Variants in HYDIN observed in about 807,000 individuals in gnomAD.
HYDIN encodes the protein HYDIN axonemal central pair apparatus protein.
Under a neutral mutation model 403.9 loss-of-function variants are expected in HYDIN, and 132 were observed. The observed-to-expected ratio is 0.33, with a 90% confidence interval of 0.28 to 0.38. HYDIN has a LOEUF of 0.38. Ranked by LOEUF, HYDIN falls within the 10% of genes least tolerant of loss-of-function variation. HYDIN has a pLI of 1.00. For missense variants in HYDIN, 2,827 were observed against 5,009.5 expected (o/e 0.56, Z 13.15); for synonymous variants, 1,202 against 1,891.7 (o/e 0.64, Z 9.46).
chr16:71,037,747 G>C (rs2081140978), intron 18 of HYDIN, among the ~76,000 whole-genome samples: 1 of 152,202 alleles, frequency 6.6e-6, no homozygotes, highest in Non-Finnish European at 1.5e-5. Context: ...AAAAAATTCT[G>C]CCAATGACCT....
At chr16:71,203,708 A>G (rs1366893990) in intron 1 of HYDIN, 1 of 455,776 alleles carries the variant, frequency 2.2e-6, no homozygotes, top group Non-Finnish European at 4.4e-6. Context: ...TCACATTTGA[A>G]TATGACCAGC....
intron 16 of HYDIN, among the ~76,000 whole-genome samples, chr16:71,063,747 A>T (rs1181011600): frequency 6.6e-6 from 1 of 152,144 alleles, no homozygotes; most frequent in Non-Finnish European, 1.5e-5. Context: ...ATCCTAGCTA[A>T]TTCTATTCTG....
At chr16:71,209,940 C>T (rs907919743) in intron 1 of HYDIN, among the ~76,000 whole-genome samples, 15 of 152,252 alleles carry the variant, frequency 9.9e-5, no homozygotes, top group Middle Eastern at 3.4e-3. Flanking sequence ...GAAGAAATAT[C>T]ATTAAAGGGG....
At chr16:70,928,359 G>A (rs1409954633) in intron 45 of HYDIN, among the ~76,000 whole-genome samples, 1 of 152,186 alleles carries the variant, frequency 6.6e-6, no homozygotes, top group Non-Finnish European at 1.5e-5. Flanking sequence ...GGGAGGCTGA[G>A]GTGGGAAGAT....
chr16:70,927,074 T>C (rs2077175418), intron 45 of HYDIN, among the ~76,000 whole-genome samples: 1 of 151,770 alleles, frequency 6.6e-6, no homozygotes, highest in African/African-American at 2.4e-5. Context: ...GGAGAAGAAA[T>C]CTGGAAGAGT....
At chr16:70,913,891 CT>C (rs1378090102) in intron 47 of HYDIN, among the ~76,000 whole-genome samples, 2 of 120,760 alleles carry the variant, frequency 1.7e-5, no homozygotes, top group African/African-American at 5.6e-5. Flanking sequence ...CCCTCTTTGT[CT>C]TTTTAAACTG....
At chr16:70,991,919 T>A (rs2079365782) in intron 24 of HYDIN, 151 bp downstream of exon 24, 32 of 1,349,132 alleles carry the variant, frequency 2.4e-5, no homozygotes, top group Non-Finnish European at 3.2e-5. Flanking sequence ...ATCCCAGATG[T>A]CTAGTCTGGG....
chr16:71,030,401 A>G lies in HYDIN; in HGVS notation c.2768+1278T>C, dbSNP rs1435797829. ...TGTATACATATATATGTGTGTGTGT[A>G]TATGTATATGTGTGTGTTGTTCTTC... On this transcript the variant is annotated intron_variant, in intron 19 of 85. Transcript: ENST00000393567. Among the ~76,000 whole-genome samples the G allele has an allele frequency of 2.7e-5, 4 of 150,692 alleles. No individual in the cohort carries two copies. The East Asian group carries it at 5.9e-4, about 22-fold the overall frequency.
chr16:71,028,464 A>G (rs1355200142), intron 19 of HYDIN, among the ~76,000 whole-genome samples: 1 of 152,086 alleles, frequency 6.6e-6, no homozygotes, highest in African/African-American at 2.4e-5. Flanking sequence ...TATTCCACAA[A>G]TATTTACTAA....
At chr16:70,830,106 A>G (rs551099125) in intron 80 of HYDIN, among the ~76,000 whole-genome samples, 1 of 152,188 alleles carries the variant, frequency 6.6e-6, no homozygotes, top group Non-Finnish European at 1.5e-5. Context: ...GGAGACAGAC[A>G]CACAAGTGGA....
chr16:71,215,743 T>A (rs1402317231), intron 1 of HYDIN, among the ~76,000 whole-genome samples: 2 of 150,068 alleles, frequency 1.3e-5, no homozygotes, highest in Non-Finnish European at 3.0e-5. Context: ...ACAAAACTAC[T>A]GTACCAGAAT....
At chr16:71,011,528 A>T (rs865871330) in intron 23 of HYDIN, among the ~76,000 whole-genome samples, 11 of 140,310 alleles carry the variant, frequency 7.8e-5, no homozygotes, top group Admixed American at 5.1e-4. Flanking sequence ...GAAACATAGA[A>T]AGACCCTGTC....
rs545906292 is a variant in HYDIN at position 70,998,662 on chromosome 16, A to G, written c.3645-6452T>C. Among the ~76,000 whole-genome samples the G allele has an allele frequency of 2.7e-3, 371 of 138,890 alleles. 1 individual carries two copies. The highest frequency in any genetic ancestry group is 9.8e-3 in the African/African-American group (321 of 32,796). 91.1% of individuals were successfully genotyped at this position (138,890 alleles called of 152,430 possible). On this transcript the variant is annotated intron_variant, in intron 23 of 85. Transcript: ENST00000393567. ...TTCCTTCCTTCCTCTGACTCTACAC[A>G]TCGCAAATCTGCTCCAGATTAGGCA...
intron 71 of HYDIN, among the ~76,000 whole-genome samples, chr16:70,858,094 GCTT>G (rs1406090309): frequency 6.6e-6 from 1 of 151,926 alleles, no homozygotes; most frequent in Non-Finnish European, 1.5e-5. Flanking sequence ...CCCATCCACA[GCTT>G]CTGCTGGCTA....
At chr16:70,993,347 T>C (rs545595702) in intron 23 of HYDIN, among the ~76,000 whole-genome samples, 147 of 152,106 alleles carry the variant, frequency 9.7e-4, no homozygotes, top group South Asian at 3.5e-3. Context: ...AATGTTTCCA[T>C]CATCCTAAAA....
rs116730273 is a variant in HYDIN, at chr16:70,807,800, A to G, written c.15146T>C (p.Met5049Thr). 7.5e-4 allele frequency: 1,216 copies of G among 1,614,204 alleles called. 4 individuals are homozygous for G. The African/African-American group carries it at 0.015, about 19-fold the overall frequency. The change falls in exon 86 of 86, where the codon ATG (methionine) becomes ACG (threonine). Residue 5049 changes from methionine (M) to threonine (T), a missense_variant. Met to Thr is a moderately conservative substitution (Grantham distance 81). Coordinates refer to ENST00000393567, the MANE Select transcript of HYDIN (RefSeq NM_001270974.2). The part of the protein sequence containing the change: ...IIPFKNVFYH[M>T]VTFSIIVDNP... ...ATCCACGATGATGGAGAAGGTCACC[A>G]TGTGATAGAAGACATTCTTGAAGGG... is the stretch of plus-strand genomic sequence containing the variant.
chr16:71,170,657 T>C (rs1369051721), intron 5 of HYDIN, among the ~76,000 whole-genome samples: 1 of 152,116 alleles, frequency 6.6e-6, no homozygotes, highest in Non-Finnish European at 1.5e-5. Flanking sequence ...ACCAACTTCT[T>C]AAAGTTGGTT....
rs1160482141 is a variant in HYDIN at position 71,027,815 on chromosome 16, C to T, written c.2829G>A (p.Leu943=). 9 of 905,362 alleles carry T rather than the reference C, an allele frequency of 9.9e-6. No homozygotes were observed. Among genetic ancestry groups the T allele is most frequent in the Non-Finnish European group, 1.3e-5 (8 of 592,656 alleles). 56.1% of individuals were successfully genotyped at this position (905,362 alleles called of 1,614,324 possible). The change falls in exon 20 of 86, where the codon TTG becomes TTA. Residue 943 remains leucine, a synonymous_variant. Transcript: ENST00000393567. The stretch of plus-strand genomic sequence containing the variant: ...GTCGGAAGCTATCATTCATCCAGAA[C>T]AACTGTTGGATCCGACGTCCCTTGT... The part of the protein sequence containing the change: ...LINKGRRIQQ[L]FWMNDSFRPQ...
chr16:71,098,617 C>T (rs191132423), intron 10 of HYDIN, among the ~76,000 whole-genome samples: 1 of 150,556 alleles, frequency 6.6e-6, no homozygotes, highest in Admixed American at 6.6e-5. Flanking sequence ...GATTGAGATC[C>T]AACTTTCAGA....
Sources: allele counts gnomAD v4.1 joint callset (sites outside exome capture counted in the v4.1 genomes callset), GRCh38; gene constraint gnomAD v4.1.1; transcripts MANE v1.5; gene names NCBI Gene and HGNC (gene_info 2026-07-23, HGNC 2026-07-21).